Variants in SNX24 observed in about 807,000 individuals in gnomAD.
SNX24 encodes the protein sorting nexin 24.
In SNX24, 22 loss-of-function variants were observed where a neutral mutation model predicts 28.7. The observed-to-expected ratio is 0.77, with a 90% confidence interval of 0.55 to 1.10. The LOEUF (loss-of-function observed/expected upper bound fraction) is 1.10. SNX24 is among the 50% of genes least tolerant of loss of function. The pLI is 0.00. For synonymous variants in SNX24, 69 were observed against 71.5 expected (o/e 0.96, Z 0.18); for missense variants, 221 against 201.1 (o/e 1.10, Z -0.60).
chr5:122,943,040 G>T (rs1329542168), intron 2 of SNX24, among the ~76,000 whole-genome samples: 1 of 152,126 alleles, frequency 6.6e-6, no homozygotes, highest in African/African-American at 2.4e-5. Flanking sequence ...GTTTCTTTAT[G>T]TTTAAAGTGA....
At chr5:122,912,355 T>C (rs1049533020) in intron 1 of SNX24, among the ~76,000 whole-genome samples, 63 of 151,582 alleles carry the variant, frequency 4.2e-4, no homozygotes, top group Non-Finnish European at 8.1e-4. Flanking sequence ...GCTTATGAGC[T>C]TAAGGAGATT....
intron 5 of SNX24, among the ~76,000 whole-genome samples, chr5:123,019,515 A>G (rs1026435884): frequency 1.3e-5 from 2 of 152,248 alleles, no homozygotes; most frequent in Non-Finnish European, 2.9e-5. Context: ...AAAGTAATTG[A>G]TAATTCCAAA....
At chr5:122,902,793 C>T (rs554187481) in intron 1 of SNX24, among the ~76,000 whole-genome samples, 4 of 152,158 alleles carry the variant, frequency 2.6e-5, no homozygotes, top group Admixed American at 1.3e-4. Flanking sequence ...GCCCCTTCCC[C>T]GTCTTGTCCC....
chr5:122,924,621 G>T (rs768121556), intron 1 of SNX24, among the ~76,000 whole-genome samples: 13 of 152,144 alleles, frequency 8.5e-5, no homozygotes, highest in Non-Finnish European at 1.8e-4. Flanking sequence ...GCTAAGGGGG[G>T]ACTACTATAT....
intron 1 of SNX24, among the ~76,000 whole-genome samples, chr5:122,847,181 A>G (rs1754678843): frequency 6.6e-6 from 1 of 152,214 alleles, no homozygotes; most frequent in Non-Finnish European, 1.5e-5. Flanking sequence ...GGTTCAAGCT[A>G]AAAGTTAATT....
chr5:122,971,169 A>G (rs1474454645), intron 3 of SNX24, among the ~76,000 whole-genome samples: 1 of 152,230 alleles, frequency 6.6e-6, no homozygotes, highest in African/African-American at 2.4e-5. Context: ...TTAAGAGTCC[A>G]AAAGCTGAAG....
At chr5:122,860,449 T>A (rs1027645839) in intron 1 of SNX24, among the ~76,000 whole-genome samples, 1 of 152,212 alleles carries the variant, frequency 6.6e-6, no homozygotes, top group Admixed American at 6.5e-5. Context: ...GTGTTTGTTA[T>A]TTTTGGGCCA....
At chr5:123,021,586 G>A (rs1762763621) in intron 5 of SNX24, among the ~76,000 whole-genome samples, 1 of 152,180 alleles carries the variant, frequency 6.6e-6, no homozygotes, top group African/African-American at 2.4e-5. Context: ...TGGGTTTCCT[G>A]ATAAGGACTG....
At chr5:123,023,789 A>T in intron 5 of SNX24, 3 of 1,366,174 alleles carry the variant, frequency 2.2e-6, no homozygotes, top group Non-Finnish European at 2.9e-6. Context: ...AAAAAAGCAA[A>T]TAATTGAAAG....
At chr5:122,998,598 C>G (rs1762133869) in intron 3 of SNX24, among the ~76,000 whole-genome samples, 1 of 152,104 alleles carries the variant, frequency 6.6e-6, no homozygotes, top group South Asian at 2.1e-4. Context: ...TTAGATGACC[C>G]CTCTCCAGGG....
At chr5:122,884,548 G>T (rs184980829) in intron 1 of SNX24, among the ~76,000 whole-genome samples, 106 of 151,894 alleles carry the variant, frequency 7.0e-4, no homozygotes, top group Middle Eastern at 6.8e-3. Flanking sequence ...AGCACACCCA[G>T]CCTGTTTCTT....
At chr5:122,961,067 G>A (rs1056915464) in intron 3 of SNX24, among the ~76,000 whole-genome samples, 9 of 152,054 alleles carry the variant, frequency 5.9e-5, no homozygotes, top group African/African-American at 2.2e-4. Flanking sequence ...AGTCAAACAT[G>A]GTCAGACATG....
chr5:122,971,251 A>T (rs1052734092), intron 3 of SNX24, among the ~76,000 whole-genome samples: 1 of 152,216 alleles, frequency 6.6e-6, no homozygotes, highest in Non-Finnish European at 1.5e-5. Context: ...AAGACTCAGC[A>T]AGTCACCTTC....
chr5:122,979,307 A>T (rs1761296331), intron 3 of SNX24, among the ~76,000 whole-genome samples: 1 of 152,220 alleles, frequency 6.6e-6, no homozygotes, highest in African/African-American at 2.4e-5. Context: ...GGGAAGATGC[A>T]TGGCTTACAC....
chr5:123,001,526 T>G (rs540447628), intron 5 of SNX24, 89 bp downstream of exon 5: 2 of 948,946 alleles, frequency 2.1e-6, no homozygotes, highest in East Asian at 4.9e-5. Flanking sequence ...TATGTTTTTC[T>G]TAAGAACCTT....
intron 1 of SNX24, among the ~76,000 whole-genome samples, chr5:122,907,473 G>T (rs904635721): frequency 1.3e-5 from 2 of 152,178 alleles, no homozygotes; most frequent in African/African-American, 4.8e-5. Context: ...TCACCTAGGA[G>T]TCACGGGGCT....
intron 6 of SNX24, among the ~76,000 whole-genome samples, chr5:123,004,689 C>G (rs1762360926): frequency 6.6e-6 from 1 of 152,180 alleles, no homozygotes; most frequent in Non-Finnish European, 1.5e-5. Flanking sequence ...CCTACTGGAC[C>G]TCCTCATACA....
At chr5:122,951,811 G>T (rs944435224) in intron 3 of SNX24, among the ~76,000 whole-genome samples, 10 of 152,202 alleles carry the variant, frequency 6.6e-5, no homozygotes, top group African/African-American at 2.4e-4. Context: ...TTGTGGAGGC[G>T]GGAGGCAGCC....
intron 5 of SNX24, chr5:123,024,098 G>C (rs1762814297): frequency 6.8e-7 from 1 of 1,465,266 alleles, no homozygotes; most frequent in African/African-American, 1.4e-5. Flanking sequence ...GCCCAAGTGG[G>C]AAGGAAATAA....
Sources: gnomAD v4.1 joint callset for allele counts (sites outside exome capture counted in the v4.1 genomes callset) on GRCh38, gnomAD v4.1.1 for gene constraint, MANE v1.5 for transcripts, NCBI Gene and HGNC (gene_info 2026-07-23, HGNC 2026-07-21) for gene names.